The following NOTCH2 variants were observed in gnomAD, a reference collection of about 807,000 sequenced individuals.
NOTCH2 encodes neurogenic locus notch homolog protein 2.
Under a neutral mutation model 235.8 loss-of-function variants are expected in NOTCH2, and 29 were observed. The observed-to-expected ratio is 0.12, with a 90% confidence interval of 0.09 to 0.17. The LOEUF (loss-of-function observed/expected upper bound fraction) is 0.17. NOTCH2 is among the 10% of genes least tolerant of loss of function. The pLI is 1.00. For missense variants in NOTCH2, 2,285 were observed against 3,150.2 expected (o/e 0.73, Z 6.57); for synonymous variants, 1,086 against 1,141.5 (o/e 0.95, Z 0.98).
At chr1:119,957,251 G>A (rs1650741789) in intron 12 of NOTCH2, among the ~76,000 whole-genome samples, 1 of 152,198 alleles carries the variant, frequency 6.6e-6, no homozygotes, top group Non-Finnish European at 1.5e-5. Context: ...ATACATCAAG[G>A]TCTGTCTCTC....
chr1:120,006,529 A>T (rs1652984164), intron 2 of NOTCH2, among the ~76,000 whole-genome samples: 1 of 148,328 alleles, frequency 6.7e-6, no homozygotes, highest in East Asian at 1.9e-4. Flanking sequence ...CTCCATTTTC[A>T]TAATGAAGTT....
chr1:120,041,994 A>G (rs1654593023), intron 1 of NOTCH2, among the ~76,000 whole-genome samples: 1 of 146,848 alleles, frequency 6.8e-6, no homozygotes, highest in Non-Finnish European at 1.5e-5. Context: ...AGGGAAAGAG[A>G]GAAAGAGCAA....
chr1:119,965,474 A>G lies in NOTCH2; in HGVS notation c.1660T>C (p.Tyr554His). The change falls in exon 10 of 34, where the codon TAT (tyrosine) becomes CAT (histidine). Residue 554 changes from tyrosine (Y) to histidine (H), a missense_variant. By Grantham distance (83) the Tyr-to-His change is moderately conservative (BLOSUM62 2). Around this residue, in one of 6 missense-constraint regions of NOTCH2, gnomAD observed 431 missense variants for 757.8 expected, o/e 0.57. Transcript: ENST00000256646. ...TTACCTGTGGCACACTGGCATTCATAGCCATTCGGGTGATCGATACACTTT... is the reference window on the plus strand; with the variant it reads ...TTACCTGTGGCACACTGGCATTCATGGCCATTCGGGTGATCGATACACTTT... ...GAKCIDHPNGYECQCATGFTG... is the reference protein window; with the variant it reads ...GAKCIDHPNGHECQCATGFTG... 1.2e-6 allele frequency: 2 copies of G among 1,613,684 alleles called. No homozygotes were observed. The highest frequency in any genetic ancestry group is 1.7e-6 in the Non-Finnish European group (2 of 1,179,570).
At chr1:119,987,282 C>T (rs782425394) in intron 4 of NOTCH2, among the ~76,000 whole-genome samples, 200 bp from the exon 5 acceptor site, 3 of 152,108 alleles carry the variant, frequency 2.0e-5, no homozygotes, top group Non-Finnish European at 4.4e-5. Flanking sequence ...GTGAAAGTGA[C>T]TCATTGTGCC....
intron 11 of NOTCH2, among the ~76,000 whole-genome samples, chr1:119,961,675 T>C (rs1650943884): frequency 6.6e-6 from 1 of 152,252 alleles, no homozygotes; most frequent in Admixed American, 6.5e-5. Flanking sequence ...AGTTGGTCTG[T>C]TACTTGAAAC....
At chr1:120,037,004 A>T (rs1409249643) in intron 1 of NOTCH2, among the ~76,000 whole-genome samples, 4 of 152,166 alleles carry the variant, frequency 2.6e-5, no homozygotes, top group African/African-American at 9.6e-5. Context: ...TAATCTGAGC[A>T]GCCTTCAATG....
chr1:119,954,668 C>T (rs1650612736), intron 13 of NOTCH2, among the ~76,000 whole-genome samples: 2 of 152,116 alleles, frequency 1.3e-5, no homozygotes, highest in Admixed American at 1.3e-4. Flanking sequence ...CAGAGCTGAG[C>T]TATGTTTAAG....
chr1:120,027,797 G>A (rs1553210226), intron 2 of NOTCH2, among the ~76,000 whole-genome samples: 1 of 150,238 alleles, frequency 6.7e-6, no homozygotes, highest in Admixed American at 6.6e-5. Flanking sequence ...CCCTGCAAAG[G>A]ACATGAACTC....
At chr1:120,033,784 G>A (rs1654195961) in intron 1 of NOTCH2, among the ~76,000 whole-genome samples, 1 of 151,994 alleles carries the variant, frequency 6.6e-6, no homozygotes, top group Admixed American at 6.6e-5. Context: ...TGCTAAGAGA[G>A]TAAATTTCAA....
intron 21 of NOTCH2, among the ~76,000 whole-genome samples, chr1:119,936,262 C>T (rs1649845518): frequency 6.6e-6 from 1 of 152,142 alleles, no homozygotes; most frequent in African/African-American, 2.4e-5. Context: ...AAGGGGAAGA[C>T]AGCAAGTAAA....
chr1:119,961,602 CTCTT>C (rs1417838840), intron 11 of NOTCH2, among the ~76,000 whole-genome samples: 6 of 152,242 alleles, frequency 3.9e-5, no homozygotes, highest in Admixed American at 6.5e-5. Context: ...TTTCGCTAAG[CTCTT>C]TCTGTTTCTT....
intron 5 of NOTCH2, among the ~76,000 whole-genome samples, chr1:119,973,081 C>T (rs1299104696): frequency 6.6e-6 from 1 of 152,154 alleles, no homozygotes; most frequent in Admixed American, 6.5e-5. Context: ...ACCTTTGGAC[C>T]ATGCATCTGT....
chr1:119,926,596 G>T lies in NOTCH2; in HGVS notation c.3908C>A (p.Thr1303Asn). 1 of 1,607,828 alleles carries T rather than the reference G, an allele frequency of 6.2e-7. No individual in the cohort carries two copies. Among genetic ancestry groups the T allele is most frequent in the Non-Finnish European group, 8.5e-7 (1 of 1,176,444 alleles). The change falls in exon 24 of 34, where the codon ACC becomes AAC. Residue 1303 changes from threonine to asparagine, a missense_variant. Around this residue, in one of 6 missense-constraint regions of NOTCH2, gnomAD observed 1,173 missense variants for 1,515.3 expected, o/e 0.77. Transcript: ENST00000256646. ...CATCTGGGGACACACATCGACGAAGGTTTCACAGTGCCGGCCTCAGAAAAT... is the reference window on the plus strand; with the variant it reads ...CATCTGGGGACACACATCGACGAAGTTTTCACAGTGCCGGCCTCAGAAAAT... ...RSAFTGRHCE[T>N]FVDVCPQMPC...
At chr1:120,011,998 AGAGC>A (rs1322133690) in intron 2 of NOTCH2, among the ~76,000 whole-genome samples, 6 of 145,632 alleles carry the variant, frequency 4.1e-5, no homozygotes, top group African/African-American at 1.6e-4. Context: ...CCTGGGCGAC[AGAGC>A]GAGACTCCCT....
chr1:120,034,034 GA>G (rs1570768452), intron 1 of NOTCH2, among the ~76,000 whole-genome samples: 1 of 150,196 alleles, frequency 6.7e-6, no homozygotes, highest in Non-Finnish European at 1.5e-5. Context: ...CTGAAGCCAT[GA>G]AAGTGAGACC....
chr1:120,047,924 C>G (rs1479418119), intron 1 of NOTCH2, among the ~76,000 whole-genome samples: 2 of 142,034 alleles, frequency 1.4e-5, no homozygotes, highest in Non-Finnish European at 3.1e-5. Context: ...GCCACCATGT[C>G]CAGCTAATTT....
intron 5 of NOTCH2, among the ~76,000 whole-genome samples, chr1:119,975,367 G>T (rs946431184): frequency 1.1e-4 from 17 of 152,340 alleles, no homozygotes; most frequent in African/African-American, 3.4e-4. Context: ...GGCACAGTCA[G>T]CCAGGCGTGG....
chr1:120,043,145 G>C (rs1489273650), intron 1 of NOTCH2, among the ~76,000 whole-genome samples: 4 of 151,138 alleles, frequency 2.6e-5, no homozygotes, highest in Non-Finnish European at 5.9e-5. Context: ...TAACATCTCA[G>C]CTTCTAATAG....
Position 119,915,597 on chromosome 1 carries a change from A to C in NOTCH2, c.7125T>G (p.Pro2375=). 6.2e-7 allele frequency: 1 copy of C among 1,614,044 alleles called. No homozygotes were observed. The highest frequency in any genetic ancestry group is 8.5e-7 in the Non-Finnish European group (1 of 1,180,040). The change falls in exon 34 of 34, where the codon CCT becomes CCG. Residue 2375 remains proline, a synonymous_variant. Coordinates refer to ENST00000256646, the MANE Select transcript of NOTCH2 (RefSeq NM_024408.4). ...VAQTILPAYH[P]FPASVGKYPT... is the part of the protein sequence containing the mutation. ...GGTACTTGCCCACAGAGGCTGGGAA[A>C]GGATGATAGGCTGGGAGAATGGTCT... is the stretch of plus-strand genomic sequence containing the variant.
Sources: gnomAD v4.1 joint callset for allele counts (sites outside exome capture counted in the v4.1 genomes callset) on GRCh38, gnomAD v4.1.1 for gene constraint, gnomAD v4.1.1 regional missense constraint, MANE v1.5 for transcripts, NCBI Gene and HGNC (gene_info 2026-07-23, HGNC 2026-07-21) for gene names.